BTRC: variants seen among roughly 807,000 people sequenced by gnomAD.
BTRC encodes the protein beta-transducin repeat containing E3 ubiquitin protein ligase.
A neutral mutation model predicts 85.5 loss-of-function variants in BTRC; 42 were observed. That is an observed-to-expected ratio of 0.49 (90% CI 0.38 to 0.64). BTRC has a LOEUF of 0.64. Among genes scored for constraint, BTRC ranks in the 30% least tolerant of loss-of-function variants. The pLI, the probability that BTRC is intolerant of heterozygous loss-of-function variation, is 0.00. For synonymous variants in BTRC, 255 were observed against 263.3 expected, an observed-to-expected ratio of 0.97 and a Z score of 0.30; for missense variants, 594 against 743.5, an observed-to-expected ratio of 0.80 and a Z score of 2.34.
At chr10:101,480,251 G>A (rs899409313) in intron 4 of BTRC, among the ~76,000 whole-genome samples, 1 of 152,088 alleles carries the variant, frequency 6.6e-6, no homozygotes, top group East Asian at 1.9e-4. Context: ...TTTTATTATA[G>A]ATCCAGGCCC....
chr10:101,361,483 T>C (rs781232162), intron 1 of BTRC, among the ~76,000 whole-genome samples: 1 of 152,210 alleles, frequency 6.6e-6, no homozygotes, highest in Non-Finnish European at 1.5e-5. Context: ...ATAGAAAATA[T>C]TTACCAAAGT....
chr10:101,376,446 G>A (rs1036617812), intron 1 of BTRC, among the ~76,000 whole-genome samples: 2 of 152,188 alleles, frequency 1.3e-5, no homozygotes, highest in Non-Finnish European at 2.9e-5. Context: ...TCTGTAGGCT[G>A]TTTGCAGCTA....
intron 3 of BTRC, among the ~76,000 whole-genome samples, chr10:101,468,186 A>G (rs1051905130): frequency 6.6e-6 from 1 of 152,200 alleles, no homozygotes; most frequent in African/African-American, 2.4e-5. Context: ...TAATGTAATC[A>G]TTCTTTGATA....
intron 3 of BTRC, among the ~76,000 whole-genome samples, chr10:101,475,458 C>T (rs961663997): frequency 3.3e-5 from 5 of 152,074 alleles, no homozygotes; most frequent in Non-Finnish European, 5.9e-5. Context: ...GAGAATCACT[C>T]GAACCTGGGA....
chr10:101,534,102 T>G (rs1352835098), intron 9 of BTRC, among the ~76,000 whole-genome samples: 1 of 152,108 alleles, frequency 6.6e-6, no homozygotes, highest in Non-Finnish European at 1.5e-5. Context: ...GGCCCCACAC[T>G]CTGCTGTGAA....
At chr10:101,473,135 C>CTT (rs35827933) in intron 3 of BTRC, among the ~76,000 whole-genome samples, 338 of 147,578 alleles carry the variant, frequency 2.3e-3, no homozygotes, top group Non-Finnish European at 3.6e-3. Context: ...TAAGACCGAT[C>CTT]TTTTTTTTTT....
chr10:101,408,766 G>T (rs1213524660), intron 1 of BTRC, among the ~76,000 whole-genome samples: 2 of 152,114 alleles, frequency 1.3e-5, no homozygotes, highest in Non-Finnish European at 2.9e-5. Flanking sequence ...TATTGAGGTT[G>T]GCCGGGCACA....
chr10:101,384,296 G>A (rs1943011323), intron 1 of BTRC, among the ~76,000 whole-genome samples: 1 of 152,190 alleles, frequency 6.6e-6, no homozygotes, highest in South Asian at 2.1e-4. Context: ...AAACATCAGA[G>A]AGAAGAGGAT....
chr10:101,404,997 TAA>T (rs34206285), intron 1 of BTRC, among the ~76,000 whole-genome samples: 47,308 of 123,608 alleles, frequency 0.38, 9,649 homozygotes, highest in Middle Eastern at 0.51. Flanking sequence ...GAATCCATCT[TAA>T]AAAAAAAAAA....
At chr10:101,391,053 GA>G (rs1157560947) in intron 1 of BTRC, among the ~76,000 whole-genome samples, 1 of 152,048 alleles carries the variant, frequency 6.6e-6, no homozygotes, top group African/African-American at 2.4e-5. Context: ...AACTTTTCTT[GA>G]AACTAGCCTG....
intron 4 of BTRC, among the ~76,000 whole-genome samples, chr10:101,482,397 T>C (rs1050937156): frequency 1.4e-5 from 2 of 141,454 alleles, no homozygotes; most frequent in Non-Finnish European, 3.1e-5. Flanking sequence ...TTGTTTCTTT[T>C]TTTTTTTTTT....
chr10:101,368,949 G>A (rs571612529), intron 1 of BTRC, among the ~76,000 whole-genome samples: 3 of 152,238 alleles, frequency 2.0e-5, no homozygotes, highest in East Asian at 1.9e-4. Flanking sequence ...AACCTGGGAG[G>A]CGGAGGTTGC....
chr10:101,354,160 G>C (rs1335020748), upstream of BTRC: 1 of 1,548,612 alleles, frequency 6.5e-7, no homozygotes, highest in South Asian at 1.2e-5. Context: ...GCGGAGAGCG[G>C]ACCCAGTGGC....
At chr10:101,368,950 C>T (rs1447856904) in intron 1 of BTRC, among the ~76,000 whole-genome samples, 1 of 151,982 alleles carries the variant, frequency 6.6e-6, no homozygotes, top group Non-Finnish European at 1.5e-5. Context: ...ACCTGGGAGG[C>T]GGAGGTTGCA....
intron 1 of BTRC, among the ~76,000 whole-genome samples, chr10:101,362,857 G>C (rs1411901211): frequency 2.0e-5 from 3 of 152,158 alleles, no homozygotes; most frequent in Admixed American, 6.5e-5. Flanking sequence ...AACAATAAAA[G>C]TGGGAATTAA....
At position 101,538,348 on chromosome 10, in the gene BTRC, A is replaced by C; in HGVS notation, c.1633A>C (p.Thr545Pro). 6.2e-7 allele frequency: 1 copy of C among 1,613,958 alleles called. No homozygotes were observed. The highest frequency in any genetic ancestry group is 2.2e-5 in the East Asian group (1 of 44,882). ...TTTGGACCCCCGTGCTCCTGCAGGG[A>C]CACTCTGTCTACGGACCCTTGTGGT... Reference protein sequence around the residue: ...AALDPRAPAGTLCLRTLVEHS... With the variant: ...AALDPRAPAGPLCLRTLVEHS... The change falls in exon 13 of 15, where the codon ACA (threonine) becomes CCA (proline). Residue 545 changes from threonine (T) to proline (P), a missense_variant. This residue lies in a region of BTRC where 373 missense variants were observed against 503.6 expected (regional missense o/e 0.74). Coordinates refer to ENST00000370187, the MANE Select transcript of BTRC (RefSeq NM_033637.4).
chr10:101,500,569 G>A (rs907531446), intron 4 of BTRC, among the ~76,000 whole-genome samples: 1 of 152,110 alleles, frequency 6.6e-6, no homozygotes, highest in Non-Finnish European at 1.5e-5. Flanking sequence ...GAAACTGTGG[G>A]GAGGGATAGT....
intron 1 of BTRC, among the ~76,000 whole-genome samples, chr10:101,416,493 C>T (rs1201090684): frequency 6.6e-6 from 1 of 152,010 alleles, no homozygotes; most frequent in Non-Finnish European, 1.5e-5. Context: ...GTTTTTGGTG[C>T]CCTTCATTGT....
At chr10:101,374,491 A>G (rs1056849422) in intron 1 of BTRC, among the ~76,000 whole-genome samples, 6 of 149,918 alleles carry the variant, frequency 4.0e-5, no homozygotes, top group African/African-American at 1.5e-4. Context: ...AGGGACATGG[A>G]TGAAATTGGA....
Sources: gnomAD v4.1 joint callset for allele counts (sites outside exome capture counted in the v4.1 genomes callset) on GRCh38, gnomAD v4.1.1 for gene constraint, gnomAD v4.1.1 regional missense constraint, MANE v1.5 for transcripts, NCBI Gene and HGNC (gene_info 2026-07-23, HGNC 2026-07-21) for gene names.